Variants in NRG3 observed in about 807,000 individuals in gnomAD.
NRG3 encodes the protein neuregulin 3.
NRG3 carries 31 observed loss-of-function variants against 66.9 expected under a neutral mutation model. The ratio of observed to expected loss-of-function variants is 0.46; its 90% CI spans 0.35 to 0.63. NRG3 has a LOEUF of 0.63. Ranked by LOEUF, NRG3 falls within the 20% of genes least tolerant of loss-of-function variation. The pLI, the probability that NRG3 is intolerant of heterozygous loss-of-function variation, is 0.00. For synonymous variants in NRG3, 393 were observed against 359.4 expected, an observed-to-expected ratio of 1.09 and a Z score of -1.06; for missense variants, 910 against 878.9, an observed-to-expected ratio of 1.04 and a Z score of -0.45.
chr10:81,998,471 G>T (rs1355273955), intron 1 of NRG3, among the ~76,000 whole-genome samples: 1 of 152,150 alleles, frequency 6.6e-6, no homozygotes, highest in African/African-American at 2.4e-5. Context: ...CTGCTGTGTA[G>T]TGTGGACCAG....
chr10:82,219,056 T>C (rs997409122), intron 1 of NRG3, among the ~76,000 whole-genome samples: 1 of 151,962 alleles, frequency 6.6e-6, no homozygotes, highest in Non-Finnish European at 1.5e-5. Flanking sequence ...CGTTTGGGAT[T>C]GTGAGAAAAA....
At chr10:82,130,925 A>G (rs1462237585) in intron 1 of NRG3, among the ~76,000 whole-genome samples, 1 of 152,138 alleles carries the variant, frequency 6.6e-6, no homozygotes, top group East Asian at 1.9e-4. Context: ...TGAGCTCCTT[A>G]TGTATTCTGG....
At chr10:82,631,879 A>C (rs2049866264) in intron 2 of NRG3, among the ~76,000 whole-genome samples, 1 of 152,134 alleles carries the variant, frequency 6.6e-6, no homozygotes, top group South Asian at 2.1e-4. Flanking sequence ...AGGCAGGCAG[A>C]TCACCTGAGG....
At chr10:82,365,870 A>G (rs913268790) in intron 2 of NRG3, among the ~76,000 whole-genome samples, 3 of 152,160 alleles carry the variant, frequency 2.0e-5, no homozygotes, top group Non-Finnish European at 4.4e-5. Flanking sequence ...TTAGCCAAAG[A>G]TTACCTTATT....
At chr10:82,709,148 G>A (rs143179133) in intron 2 of NRG3, among the ~76,000 whole-genome samples, 3 of 152,096 alleles carry the variant, frequency 2.0e-5, no homozygotes, top group Admixed American at 6.6e-5. Flanking sequence ...TGATGAATAT[G>A]TAAGTTGAAT....
At chr10:82,866,131 T>C (rs531113989) in intron 4 of NRG3, among the ~76,000 whole-genome samples, 1 of 152,108 alleles carries the variant, frequency 6.6e-6, no homozygotes, top group Admixed American at 6.5e-5. Context: ...AAGTTCAATA[T>C]GCATCGTAGT....
chr10:82,801,656 T>C (rs936463587), intron 3 of NRG3, among the ~76,000 whole-genome samples: 2 of 152,196 alleles, frequency 1.3e-5, no homozygotes, highest in Non-Finnish European at 1.5e-5. Flanking sequence ...TCCAATGTGA[T>C]AGACATATTA....
chr10:82,036,988 G>T (rs945894589), intron 1 of NRG3, among the ~76,000 whole-genome samples: 2 of 152,104 alleles, frequency 1.3e-5, no homozygotes, highest in Non-Finnish European at 2.9e-5. Context: ...ATCACTGTAT[G>T]AATTTGATTA....
At chr10:82,809,689 C>T (rs576425440) in intron 3 of NRG3, among the ~76,000 whole-genome samples, 89 of 152,204 alleles carry the variant, frequency 5.8e-4, no homozygotes, top group African/African-American at 1.8e-3. Flanking sequence ...ATTTGTGTTT[C>T]AACCTCATTT....
intron 2 of NRG3, among the ~76,000 whole-genome samples, chr10:82,673,775 A>G (rs2053470419): frequency 6.6e-6 from 1 of 152,186 alleles, no homozygotes; most frequent in African/African-American, 2.4e-5. Flanking sequence ...GAAGATACCA[A>G]CTAGAAAGTT....
chr10:82,711,069 G>A (rs755902157), intron 2 of NRG3, among the ~76,000 whole-genome samples: 48 of 152,124 alleles, frequency 3.2e-4, no homozygotes, highest in Middle Eastern at 3.4e-3. Context: ...ATTTTGCTCA[G>A]CAGATTGATT....
intron 1 of NRG3, among the ~76,000 whole-genome samples, chr10:82,225,204 G>A (rs1250116204): frequency 1.3e-5 from 2 of 152,220 alleles, no homozygotes; most frequent in South Asian, 4.1e-4. Context: ...AGAGATGCAT[G>A]TTAAAAAATT....
At chr10:82,726,861 A>T (rs2057631245) in intron 2 of NRG3, among the ~76,000 whole-genome samples, 1 of 152,196 alleles carries the variant, frequency 6.6e-6, no homozygotes, top group East Asian at 1.9e-4. Context: ...AAAAATGCTG[A>T]TAGTGATATG....
At chr10:82,836,470 C>A (rs574535845) in intron 3 of NRG3, among the ~76,000 whole-genome samples, 6 of 152,242 alleles carry the variant, frequency 3.9e-5, no homozygotes, top group African/African-American at 1.2e-4. Flanking sequence ...CAGGCAGATG[C>A]CCCCCATGTA....
At chr10:82,032,606 T>C (rs889202281) in intron 1 of NRG3, among the ~76,000 whole-genome samples, 9 of 152,226 alleles carry the variant, frequency 5.9e-5, no homozygotes, top group South Asian at 4.1e-4. Flanking sequence ...TTGAAACATA[T>C]TGAAATCATA....
intron 3 of NRG3, among the ~76,000 whole-genome samples, chr10:82,787,168 G>A (rs1273457226): frequency 6.6e-6 from 1 of 152,056 alleles, no homozygotes; most frequent in Non-Finnish European, 1.5e-5. Flanking sequence ...TACTTGCTCT[G>A]CAACTCTCTC....
chr10:82,335,497 A>C (rs1028967106), intron 1 of NRG3, among the ~76,000 whole-genome samples: 1 of 152,052 alleles, frequency 6.6e-6, no homozygotes, highest in African/African-American at 2.4e-5. Context: ...CCATTTTACA[A>C]ATAGGGAAAT....
intron 1 of NRG3, among the ~76,000 whole-genome samples, chr10:81,893,076 A>T (rs769411109): frequency 1.3e-5 from 2 of 152,224 alleles, no homozygotes; most frequent in African/African-American, 2.4e-5. Flanking sequence ...ATTATTAAAC[A>T]GAGGATTTTC....
chr10:82,490,188 G>T (rs776265958), intron 2 of NRG3, among the ~76,000 whole-genome samples: 9 of 152,050 alleles, frequency 5.9e-5, no homozygotes, highest in Non-Finnish European at 1.2e-4. Context: ...TGCTTCTGTT[G>T]CTGCAAAACT....
Sources: allele counts gnomAD v4.1 joint callset (sites outside exome capture counted in the v4.1 genomes callset), GRCh38; gene constraint gnomAD v4.1.1; transcripts MANE v1.5; gene names NCBI Gene and HGNC (gene_info 2026-07-23, HGNC 2026-07-21).